GABRA6: variants seen among roughly 807,000 people sequenced by gnomAD.
The protein encoded by GABRA6 is gamma-aminobutyric acid receptor subunit alpha-6.
GABRA6 carries 45 observed loss-of-function variants against 47.3 expected under a neutral mutation model. The ratio of observed to expected loss-of-function variants is 0.95; its 90% CI spans 0.75 to 1.22. GABRA6 has a LOEUF of 1.22. Among genes scored for constraint, GABRA6 ranks in the 50% most tolerant of loss-of-function variants. The pLI is 0.00. For synonymous variants in GABRA6, 219 were observed against 194.7 expected (o/e 1.12, Z -1.04); for missense variants, 583 against 549.3 (o/e 1.06, Z -0.61).
chr5:161,698,361 T>C (rs1046071993), intron 8 of GABRA6, among the ~76,000 whole-genome samples: 2 of 151,752 alleles, frequency 1.3e-5, no homozygotes, highest in Non-Finnish European at 2.9e-5. Context: ...TGTTAATGAG[T>C]TTGGTAGCAA....
Position 161,689,075 on chromosome 5 carries a change from T to C in GABRA6, c.352T>C (p.Phe118Leu). 1 of 1,614,082 alleles carries C rather than the reference T, an allele frequency of 6.2e-7. No homozygotes were observed. Among genetic ancestry groups the C allele is most frequent in the Non-Finnish European group, 8.5e-7 (1 of 1,179,978 alleles). ...TAAAATCTGGACGCCTGACACCTTT[T>C]TCAGAAATGGTAAAAAGTCCATTGC... ...VSKIWTPDTF[F>L]RNGKKSIAHN... Residue 118 changes from phenylalanine to leucine, a missense_variant, in exon 4 of 9, where the codon TTC (phenylalanine) becomes CTC (leucine). Coordinates refer to ENST00000274545, the MANE Select transcript of GABRA6 (RefSeq NM_000811.3).
intron 8 of GABRA6, among the ~76,000 whole-genome samples, chr5:161,692,946 A>T (rs2113077150): frequency 6.6e-6 from 1 of 152,338 alleles, no homozygotes; most frequent in African/African-American, 2.4e-5. Flanking sequence ...TATAACAACA[A>T]TTAAGCTGAA....
intron 3 of GABRA6, 38 bp from the exon 4 acceptor site, chr5:161,688,911 A>G (rs373421296): frequency 6.4e-7 from 1 of 1,560,108 alleles, no homozygotes; most frequent in African/African-American, 1.4e-5. Flanking sequence ...TTAGCAAACT[A>G]TCTTTCCAGC....
At chr5:161,700,648 G>T (rs561159927) in intron 8 of GABRA6, among the ~76,000 whole-genome samples, 1 of 152,276 alleles carries the variant, frequency 6.6e-6, no homozygotes, top group South Asian at 2.1e-4. Flanking sequence ...AGCCTCACTT[G>T]CCAGTGATTG....
intron 8 of GABRA6, among the ~76,000 whole-genome samples, chr5:161,697,164 C>T (rs1264989645): frequency 2.6e-5 from 4 of 152,178 alleles, no homozygotes; most frequent in African/African-American, 9.7e-5. Context: ...AGCAGGGGAG[C>T]CCTGCAAAAA....
In GABRA6 at chr5:161,701,758, T is replaced by C. The variant is rs1581126430; in HGVS notation, c.1347T>C (p.Ser449=). 1 of 1,614,084 alleles carries C rather than the reference T, an allele frequency of 6.2e-7. No homozygotes were observed. The highest frequency in any genetic ancestry group is 8.5e-7 in the Non-Finnish European group (1 of 1,179,934). ...VYLSKDTMEV[S]SSVE ...TTTCCAAAGATACAATGGAAGTCAG[T>C]AGCAGTGTTGAATAGCTTGCGGCCA... is the stretch of plus-strand genomic sequence containing the variant. The change falls in exon 9 of 9, where the codon AGT becomes AGC. Residue 449 remains serine (S), a synonymous_variant. Coordinates refer to ENST00000274545, the MANE Select transcript of GABRA6 (RefSeq NM_000811.3).
intron 5 of GABRA6, 22 bp from the exon 6 acceptor site, chr5:161,689,610 ATATT>A (rs768545890): frequency 6.3e-7 from 1 of 1,583,686 alleles, no homozygotes; most frequent in African/African-American, 1.3e-5. Flanking sequence ...ATTCACTGCT[ATATT>A]TAATTTGTTT....
chr5:161,701,797 T>C lies in GABRA6; in HGVS notation c.*24T>C. 6.2e-7 allele frequency: 1 copy of C among 1,612,160 alleles called. No individual in the cohort carries two copies. The highest frequency in any genetic ancestry group is 8.5e-7 in the Non-Finnish European group (1 of 1,178,268). ...AGCTTGCGGCCAGGACAACCTGAAT[T>C]CTATAAGTTCTTGTTTTCTGTTTCC... On this transcript the variant is annotated 3_prime_UTR_variant, in exon 9 of 9. Transcript: ENST00000274545.
chr5:161,694,631 T>G (rs2113079744), intron 8 of GABRA6, among the ~76,000 whole-genome samples: 1 of 152,236 alleles, frequency 6.6e-6, no homozygotes, highest in Non-Finnish European at 1.5e-5. Context: ...GGTATGTAAA[T>G]TATCTCCAAG....
chr5:161,697,454 C>G (rs1754903090), intron 8 of GABRA6, among the ~76,000 whole-genome samples: 1 of 152,172 alleles, frequency 6.6e-6, no homozygotes, highest in Admixed American at 6.5e-5. Context: ...GTAGCCAGGC[C>G]TCTTGCATTT....
At chr5:161,693,856 C>G (rs572352137) in intron 8 of GABRA6, among the ~76,000 whole-genome samples, 33 of 152,060 alleles carry the variant, frequency 2.2e-4, no homozygotes, top group African/African-American at 8.0e-4. Context: ...AGAAGAAGAA[C>G]CTTTGAAATC....
chr5:161,690,671 T>C (rs957197210), intron 7 of GABRA6, among the ~76,000 whole-genome samples: 1 of 152,180 alleles, frequency 6.6e-6, no homozygotes, highest in African/African-American at 2.4e-5. Flanking sequence ...TGTAAATCCA[T>C]GAAAGCAAAA....
chr5:161,692,271 A>C, intron 8 of GABRA6, 71 bp downstream of exon 8: 1 of 1,569,106 alleles, frequency 6.4e-7, no homozygotes, highest in Non-Finnish European at 8.8e-7. Flanking sequence ...AGAAACAACG[A>C]AAGTGTCCAA....
intron 8 of GABRA6, among the ~76,000 whole-genome samples, chr5:161,698,165 G>A (rs1312803323): frequency 6.6e-6 from 1 of 152,068 alleles, no homozygotes; most frequent in East Asian, 1.9e-4. Context: ...ATACTTGCTA[G>A]GCACTGTGGA....
rs539137379 is a variant in GABRA6 at position 161,701,593 on chromosome 5, G to T, written c.1182G>T (p.Ala394=). 1.9e-6 allele frequency: 3 copies of T among 1,614,080 alleles called. No individual in the cohort carries two copies. Among genetic ancestry groups the T allele is most frequent in the Non-Finnish European group, 2.5e-6 (3 of 1,180,016 alleles). Reference sequence around the variant, plus strand: ...AGGCCAATAAAGTGCTCACGAGAGCGCCCATCTTACAATCAACACCTGTCA... The same window carrying T: ...AGGCCAATAAAGTGCTCACGAGAGCTCCCATCTTACAATCAACACCTGTCA... ...SSEANKVLTR[A]PILQSTPVTP... Residue 394 remains alanine, a synonymous_variant, in exon 9 of 9, where the codon GCG becomes GCT. Transcript: ENST00000274545.
chr5:161,694,008 TTATG>T (rs1754846866), intron 8 of GABRA6, among the ~76,000 whole-genome samples: 1 of 152,090 alleles, frequency 6.6e-6, no homozygotes, highest in Non-Finnish European at 1.5e-5. Flanking sequence ...AATATATTCT[TTATG>T]TATCTGTAGT....
In GABRA6 at chr5:161,687,274, GA is replaced by G. The variant is rs1754718221; in HGVS notation, c.225+273del. 1.3e-5 allele frequency: 6 copies of G among 467,338 alleles called. No homozygotes were observed. In the Admixed American group the frequency reaches 2.0e-4, roughly 16 times the overall value. 28.9% of individuals were successfully genotyped at this position (467,338 alleles called of 1,614,324 possible). A position where few individuals can be genotyped will look rare whatever the true frequency, so the allele number is the denominator to read the frequency against. On this transcript the variant is annotated intron_variant, in intron 3 of 8. Transcript: ENST00000274545. ...ATGCACTAATTCTTCCCTCCAAAGA[GA>G]AGAGATTTTCCCCTTTCTTTGTGAA...
intron 5 of GABRA6, 46 bp downstream of exon 5, chr5:161,689,382 A>G: frequency 1.3e-6 from 2 of 1,482,144 alleles, no homozygotes; most frequent in Non-Finnish European, 1.9e-6. Flanking sequence ...CATCCAAAAT[A>G]TATAATTACT....
At chr5:161,696,946 T>TGGTG (rs1754897469) in intron 8 of GABRA6, among the ~76,000 whole-genome samples, 1 of 152,196 alleles carries the variant, frequency 6.6e-6, no homozygotes. Flanking sequence ...TCGTTTTAAA[T>TGGTG]GGTGGGGGTG....
Sources: gnomAD v4.1 joint callset for allele counts (sites outside exome capture counted in the v4.1 genomes callset) on GRCh38, gnomAD v4.1.1 for gene constraint, MANE v1.5 for transcripts, NCBI Gene and HGNC (gene_info 2026-07-23, HGNC 2026-07-21) for gene names.